OLFM3: variants seen among roughly 807,000 people sequenced by gnomAD.
OLFM3 encodes olfactomedin 3.
OLFM3 carries 20 observed loss-of-function variants against 48.6 expected under a neutral mutation model. The observed-to-expected ratio is 0.41, with a 90% confidence interval of 0.29 to 0.60. The LOEUF (loss-of-function observed/expected upper bound fraction) is 0.60, where lower values mean the gene tolerates loss of function less well. Ranked by LOEUF, OLFM3 falls within the 20% of genes least tolerant of loss-of-function variation. The pLI is 0.28. For synonymous variants in OLFM3, 222 were observed against 198.1 expected (o/e 1.12, Z -1.01); for missense variants, 437 against 544.3 (o/e 0.80, Z 1.96).
At chr1:101,899,439 G>C (rs1005780084) in intron 1 of OLFM3, among the ~76,000 whole-genome samples, 1 of 152,066 alleles carries the variant, frequency 6.6e-6, no homozygotes, top group African/African-American at 2.4e-5. Flanking sequence ...TAATATTTAA[G>C]GCATAATTTT....
At chr1:101,905,338 C>T (rs1032200051) in intron 1 of OLFM3, among the ~76,000 whole-genome samples, 2 of 152,130 alleles carry the variant, frequency 1.3e-5, no homozygotes, top group African/African-American at 4.8e-5. Flanking sequence ...ACATCAAAAT[C>T]TCATTAAAAG....
In OLFM3 at chr1:101,804,715, C is replaced by G. The variant is rs752958833; in HGVS notation, c.900G>C (p.Gly300=). The change falls in exon 6 of 6, where the codon GGG becomes GGC. Residue 300 remains glycine (G), a synonymous_variant. Transcript: ENST00000370103. The surrounding 1 kb of genome is among the most constrained non-coding windows in gnomAD (Gnocchi z 4.5). ...CCAGGCTTCGTTGGGCAAGCACTCT[C>G]CCCATATCAAAGCTGTATTTGATGA... The part of the protein sequence containing the change: ...NIIIKYSFDM[G]RVLAQRSLEY... The G allele has an allele frequency of 1.2e-6, 2 of 1,612,602 alleles. No homozygotes were observed. The highest frequency in any genetic ancestry group is 2.2e-5 in the South Asian group (2 of 91,056).
chr1:101,947,242 T>C (rs1659990946), intron 1 of OLFM3, among the ~76,000 whole-genome samples: 1 of 152,202 alleles, frequency 6.6e-6, no homozygotes, highest in African/African-American at 2.4e-5. Context: ...AAAATATAAT[T>C]TTAAAGTTTC....
chr1:101,956,884 GA>G (rs1660313458), intron 1 of OLFM3, among the ~76,000 whole-genome samples: 1 of 151,730 alleles, frequency 6.6e-6, no homozygotes, highest in Admixed American at 6.6e-5. Flanking sequence ...CATATATTAT[GA>G]CATGATATAA....
intron 1 of OLFM3, among the ~76,000 whole-genome samples, chr1:101,967,413 A>G (rs951977818): frequency 1.3e-5 from 2 of 152,086 alleles, no homozygotes; most frequent in African/African-American, 4.8e-5. Flanking sequence ...AAAAAGTAAC[A>G]TAAAAAACAA....
In OLFM3 at chr1:101,830,737, C is replaced by G. The variant is rs1655108144; in HGVS notation, c.307G>C (p.Gly103Arg). 6.2e-7 allele frequency: 1 copy of G among 1,614,018 alleles called. No individual in the cohort carries two copies. Among genetic ancestry groups the G allele is most frequent in the African/African-American group, 1.3e-5 (1 of 74,924 alleles). Reference protein sequence around the residue: ...YVLKMETQMKGLKAKFRQIED... With the variant: ...YVLKMETQMKRLKAKFRQIED... ...ATCTGCCGAAATTTTGCCTTCAGCC[C>G]TTTCATTTGGGTTTCCATTTTTAAA... is the stretch of plus-strand genomic sequence containing the variant. Residue 103 changes from glycine (G) to arginine (R), a missense_variant, in exon 3 of 6, where the codon GGG becomes CGG. By Grantham distance (125) the Gly-to-Arg change is moderately radical. This residue lies in a region of OLFM3 where 314 missense variants were observed against 365.5 expected (regional missense o/e 0.86). Coordinates refer to ENST00000370103, the MANE Select transcript of OLFM3 (RefSeq NM_058170.4).
chr1:101,957,778 CAAAT>C (rs762139640), intron 1 of OLFM3, among the ~76,000 whole-genome samples: 18 of 151,890 alleles, frequency 1.2e-4, no homozygotes, highest in Non-Finnish European at 2.2e-4. Flanking sequence ...TTAAAATTGA[CAAAT>C]AACCAATTCC....
At chr1:101,848,500 T>C (rs190052053) in intron 1 of OLFM3, among the ~76,000 whole-genome samples, 2 of 125,332 alleles carry the variant, frequency 1.6e-5, no homozygotes, top group East Asian at 4.1e-4. Context: ...TAGCTTAGAA[T>C]CCAGGCCATT....
Position 101,991,360 on chromosome 1 carries a change from A to G in OLFM3, c.69+5388T>C, listed in dbSNP as rs146835262. Among the ~76,000 whole-genome samples, 425 of 152,170 alleles carry G rather than the reference A, an allele frequency of 2.8e-3. 1 individual carries two copies. Among genetic ancestry groups the G allele is most frequent in the African/African-American group, 9.8e-3 (408 of 41,518 alleles). Reference sequence around the variant, plus strand: ...CAATTAAGTTGTGTTTTGTGCTTTTAAGTAAATTGATGTTTAATTAATACT... The same window carrying G: ...CAATTAAGTTGTGTTTTGTGCTTTTGAGTAAATTGATGTTTAATTAATACT... On this transcript the variant is annotated intron_variant, in intron 1 of 5. Coordinates refer to ENST00000370103, the MANE Select transcript of OLFM3 (RefSeq NM_058170.4).
intron 1 of OLFM3, among the ~76,000 whole-genome samples, chr1:101,857,417 G>T (rs750562784): frequency 9.9e-5 from 15 of 151,872 alleles, no homozygotes; most frequent in Admixed American, 7.2e-4. Context: ...CACATAATGA[G>T]TCATAATGTA....
At chr1:101,973,545 C>T (rs910010191) in intron 1 of OLFM3, among the ~76,000 whole-genome samples, 7 of 152,094 alleles carry the variant, frequency 4.6e-5, no homozygotes, top group Admixed American at 6.6e-5. Flanking sequence ...TCTGTCTGTC[C>T]GGTCAAAGTG....
intron 3 of OLFM3, among the ~76,000 whole-genome samples, chr1:101,826,506 G>C (rs887164441): frequency 6.6e-6 from 1 of 152,120 alleles, no homozygotes; most frequent in Non-Finnish European, 1.5e-5. Context: ...ACATTCAGGA[G>C]ATGTTATTAC....
chr1:101,815,454 GAAAA>G (rs71088110), intron 4 of OLFM3, among the ~76,000 whole-genome samples: 3 of 128,040 alleles, frequency 2.3e-5, no homozygotes, highest in African/African-American at 8.6e-5. Flanking sequence ...CTCAAAAAAA[GAAAA>G]AAAAAAAAAA....
chr1:101,826,129 A>AAC (rs66617960), intron 3 of OLFM3, among the ~76,000 whole-genome samples: 13,880 of 132,888 alleles, frequency 0.1, 764 homozygotes, highest in East Asian at 0.19. Context: ...ACTTTCGTCA[A>AAC]ACACACACAC....
At chr1:101,992,787 A>G (rs1661450647) in intron 1 of OLFM3, among the ~76,000 whole-genome samples, 1 of 152,178 alleles carries the variant, frequency 6.6e-6, no homozygotes, top group African/African-American at 2.4e-5. Flanking sequence ...AACATTCAAC[A>G]ATATAATTAT....
intron 1 of OLFM3, chr1:101,893,815 G>C (rs1350643642): frequency 6.5e-6 from 1 of 152,774 alleles, no homozygotes; most frequent in Non-Finnish European, 1.5e-5. Flanking sequence ...AAACTTTCTT[G>C]ATAATGGCTT....
At chr1:101,990,044 A>G (rs967645853) in intron 1 of OLFM3, among the ~76,000 whole-genome samples, 4 of 152,216 alleles carry the variant, frequency 2.6e-5, no homozygotes, top group African/African-American at 7.2e-5. Context: ...TTGTTTAAAT[A>G]TATCTTTCCC....
At chr1:101,935,637 C>T (rs1659590176) in intron 1 of OLFM3, among the ~76,000 whole-genome samples, 1 of 152,134 alleles carries the variant, frequency 6.6e-6, no homozygotes, top group Non-Finnish European at 1.5e-5. Context: ...AGGCCAGCAT[C>T]ATCCTGATAC....
intron 1 of OLFM3, among the ~76,000 whole-genome samples, chr1:101,898,470 C>T (rs12120495): frequency 0.016 from 2,490 of 152,280 alleles, 37 homozygotes; most frequent in Non-Finnish European, 0.029. Flanking sequence ...GACCTGACTT[C>T]TCCATGTTTA....
Sources: gnomAD v4.1 joint callset for allele counts (sites outside exome capture counted in the v4.1 genomes callset) on GRCh38, gnomAD v4.1.1 for gene constraint, gnomAD v4.1.1 regional missense constraint, Gnocchi (gnomAD v3.1) non-coding constraint, MANE v1.5 for transcripts, NCBI Gene and HGNC (gene_info 2026-07-23, HGNC 2026-07-21) for gene names.